The following STX11 variants were observed in gnomAD, a reference collection of about 807,000 sequenced individuals.
The protein encoded by STX11 is syntaxin-11.
A neutral mutation model predicts 19.9 loss-of-function variants in STX11; 21 were observed. That is an observed-to-expected ratio of 1.06 (90% CI 0.75 to 1.52). The LOEUF is 1.52. STX11 is among the 40% of genes most tolerant of loss of function. STX11 has a pLI of 0.00. For synonymous variants in STX11, 193 were observed against 174.4 expected, an observed-to-expected ratio of 1.11 and a Z score of -0.84; for missense variants, 438 against 405.9, an observed-to-expected ratio of 1.08 and a Z score of -0.68.
upstream of STX11, among the ~76,000 whole-genome samples, chr6:144,146,674 T>C (rs139038125): frequency 0.017 from 2,589 of 152,264 alleles, 38 homozygotes; most frequent in Middle Eastern, 0.027. The surrounding 1 kb of genome is among the most constrained non-coding windows in gnomAD (Gnocchi z 4.4). Flanking sequence ...ATCTCTGCCA[T>C]ACTTTCTGAA....
chr6:144,157,786 A>G (rs1743772410), intron 1 of STX11, among the ~76,000 whole-genome samples: 1 of 152,126 alleles, frequency 6.6e-6, no homozygotes, highest in African/African-American at 2.4e-5. Context: ...CAAAAGCATA[A>G]CACACACCAG....
In STX11 at chr6:144,153,155, A is replaced by G. The variant is rs77975829; in HGVS notation, c.-6+2452A>G. Among the ~76,000 whole-genome samples the G allele has an allele frequency of 0.042, 6,462 of 152,208 alleles. 441 individuals carry two copies. Among genetic ancestry groups the G allele is most frequent in the African/African-American group, 0.14 (5,970 of 41,490 alleles). On this transcript the variant is annotated intron_variant, in intron 1 of 1. Transcript: ENST00000367568. The surrounding 1 kb of genome is among the most constrained non-coding windows in gnomAD (Gnocchi z 5.0). ...TTTCCCCAGTTTGCTAAGATATCCA[A>G]CTGGTAAAGGCAACAATGCTAAATT...
the STX11 span, among the ~76,000 whole-genome samples, chr6:144,140,578 GT>G: frequency 5.7e-4 from 86 of 150,092 alleles, no homozygotes; most frequent in Non-Finnish European, 3.6e-4. Context: ...GAAACAACTT[GT>G]TTTTTTTTGG....
rs910036093 is a variant in STX11, at chr6:144,159,859, A to G, written c.-6+9156A>G. Among the ~76,000 whole-genome samples, 1 of 152,036 alleles carries G rather than the reference A, an allele frequency of 6.6e-6. No homozygotes were observed. The highest frequency in any genetic ancestry group is 1.5e-5 in the Non-Finnish European group (1 of 67,992). ...GTGAAGTGCATTGCCCCAGAAGTCC[A>G]TGCCCACTGAGGTTTCTCATCTTTC... is the stretch of plus-strand genomic sequence containing the variant. On this transcript the variant is annotated intron_variant, in intron 1 of 1. Transcript: ENST00000367568. The surrounding 1 kb of genome is among the most constrained non-coding windows in gnomAD (Gnocchi z 4.3).
At chr6:144,141,639 T>C in the STX11 span, among the ~76,000 whole-genome samples, 376 of 149,924 alleles carry the variant, frequency 2.5e-3, 3 homozygotes, top group African/African-American at 9.0e-3. Context: ...CTTTGGAAAG[T>C]CATTATTTTC....
rs1801033718 is a variant in STX11, at chr6:144,152,622, A to G, written c.-6+1919A>G. Among the ~76,000 whole-genome samples the G allele has an allele frequency of 6.6e-6, 1 of 152,160 alleles. No homozygotes were observed. The highest frequency in any genetic ancestry group is 2.4e-5 in the African/African-American group (1 of 41,428). Reference sequence around the variant, plus strand: ...TTTTAGGAAATGGTGTGACTAATTAATAGGTTGTTTTGTTTTGTTTTGTTT... The same window carrying G: ...TTTTAGGAAATGGTGTGACTAATTAGTAGGTTGTTTTGTTTTGTTTTGTTT... On this transcript the variant is annotated intron_variant, in intron 1 of 1. Coordinates refer to ENST00000367568, the MANE Select transcript of STX11 (RefSeq NM_003764.4). The surrounding 1 kb of genome is among the most constrained non-coding windows in gnomAD (Gnocchi z 4.9).
At position 144,169,056 on chromosome 6, in the gene STX11, G is replaced by C. The variant is rs1801558775; in HGVS notation, c.-5-17567G>C. On this transcript the variant is annotated intron_variant, in intron 1 of 1. Coordinates refer to ENST00000367568, the MANE Select transcript of STX11 (RefSeq NM_003764.4). The surrounding 1 kb of genome is among the most constrained non-coding windows in gnomAD (Gnocchi z 5.2). ...GAAACTAATCAGAAAAGACACCCCT[G>C]GTGATCTAAGCCTTTTTATTAGCAT... 6.6e-6 allele frequency among the ~76,000 whole-genome samples: 1 copy of C among 152,110 alleles called. No individual in the cohort carries two copies. Among genetic ancestry groups the C allele is most frequent in the Admixed American group, 6.5e-5 (1 of 15,268 alleles).
In STX11 at chr6:144,174,158, A is replaced by C. The variant is rs1801715748; in HGVS notation, c.-5-12465A>C. ...GCATCATCTTCCTGCAGGCTAGCCC[A>C]GGCTTCGTCATATAGTGGAATTAAG... is the stretch of plus-strand genomic sequence containing the variant. On this transcript the variant is annotated intron_variant, in intron 1 of 1. Coordinates refer to ENST00000367568, the MANE Select transcript of STX11 (RefSeq NM_003764.4). The surrounding 1 kb of genome is among the most constrained non-coding windows in gnomAD (Gnocchi z 5.3). 6.6e-6 allele frequency among the ~76,000 whole-genome samples: 1 copy of C among 152,192 alleles called. No homozygotes were observed. The highest frequency in any genetic ancestry group is 1.5e-5 in the Non-Finnish European group (1 of 68,052).
rs1801779888 is a variant in STX11, at chr6:144,176,447, A to G, written c.-5-10176A>G. Reference sequence around the variant, plus strand: ...GATTTTATATCAGTTCTCAAGCACAATGACTGGTTTGGGGTGCACACAGTC... The same window carrying G: ...GATTTTATATCAGTTCTCAAGCACAGTGACTGGTTTGGGGTGCACACAGTC... On this transcript the variant is annotated intron_variant, in intron 1 of 1. Transcript: ENST00000367568. This position sits in a 1 kb window ranked among gnomAD's most constrained non-coding sequence, Gnocchi z 4.1. 6.6e-6 allele frequency among the ~76,000 whole-genome samples: 1 copy of G among 152,186 alleles called. No individual in the cohort carries two copies. Among genetic ancestry groups the G allele is most frequent in the South Asian group, 2.1e-4 (1 of 4,834 alleles).
In STX11 at chr6:144,176,952, G is replaced by A. The variant is rs962360472; in HGVS notation, c.-5-9671G>A. ...TAACTCAGATATTTCCGTACCTTGTGTAAAAGATATCAGCCATATATAAGA... is the reference window on the plus strand; with the variant it reads ...TAACTCAGATATTTCCGTACCTTGTATAAAAGATATCAGCCATATATAAGA... On this transcript the variant is annotated intron_variant, in intron 1 of 1. Coordinates refer to ENST00000367568, the MANE Select transcript of STX11 (RefSeq NM_003764.4). The surrounding 1 kb of genome is among the most constrained non-coding windows in gnomAD (Gnocchi z 4.1). Among the ~76,000 whole-genome samples the A allele has an allele frequency of 6.6e-6, 1 of 152,142 alleles. No individual in the cohort carries two copies. The highest frequency in any genetic ancestry group is 1.5e-5 in the Non-Finnish European group (1 of 68,022).
At position 144,162,461 on chromosome 6, in the gene STX11, G is replaced by A; in HGVS notation, c.-6+11758G>A. On this transcript the variant is annotated intron_variant, in intron 1 of 1. Coordinates refer to ENST00000367568, the MANE Select transcript of STX11 (RefSeq NM_003764.4). This position sits in a 1 kb window ranked among gnomAD's most constrained non-coding sequence, Gnocchi z 4.6. ...TAGAAAGTTCCTTTAGTGGAGTTTT[G>A]GAAGGGAGCAAAAGTAATGTTCAAT... 6.6e-6 allele frequency among the ~76,000 whole-genome samples: 1 copy of A among 152,114 alleles called. No homozygotes were observed. The highest frequency in any genetic ancestry group is 2.4e-5 in the African/African-American group (1 of 41,404).
At chr6:144,143,417 G>A in the STX11 span, among the ~76,000 whole-genome samples, 1 of 151,998 alleles carries the variant, frequency 6.6e-6, no homozygotes, top group Non-Finnish European at 1.5e-5. Context: ...TTAAATAAGG[G>A]GTCTATTATA....
chr6:144,140,231 TATATATATATATATATATATATA>T, the STX11 span, among the ~76,000 whole-genome samples: 2 of 45,806 alleles, frequency 4.4e-5, no homozygotes, highest in African/African-American at 2.7e-4. Flanking sequence ...TATATATATA[TATATATATATATATATATATATA>T]TTTATTTATT....
rs1240238433 is a variant in STX11 at position 144,156,024 on chromosome 6, C to CTCCTTCCTTCCTTCCTTCCTTCCT, written c.-6+5325_-6+5348dup. 1.8e-4 allele frequency among the ~76,000 whole-genome samples: 18 copies of CTCCTTCCTTCCTTCCTTCCTTCCT among 102,848 alleles called. 1 individual carries two copies. Among genetic ancestry groups the CTCCTTCCTTCCTTCCTTCCTTCCT allele is most frequent in the African/African-American group, 1.0e-3 (17 of 16,988 alleles). The allele number at this position is 102,848 out of a possible 152,430, so 67.5% of individuals were successfully genotyped here. A position where few individuals can be genotyped will look rare whatever the true frequency, so the allele number is the denominator to read the frequency against. ...TTTCTTTCTTTCTTTCTCTCTTTCTCTCCTTCCTTCCTTCCTTCCTTCCTT... is the reference window on the plus strand; with the variant it reads ...TTTCTTTCTTTCTTTCTCTCTTTCTCTCCTTCCTTCCTTCCTTCCTTCCTTCCTTCCTTCCTTCCTTCCTTCCTT... On this transcript the variant is annotated intron_variant, in intron 1 of 1. Coordinates refer to ENST00000367568, the MANE Select transcript of STX11 (RefSeq NM_003764.4).
At chr6:144,140,209 C>CACAT in the STX11 span, among the ~76,000 whole-genome samples, 2 of 44,466 alleles carry the variant, frequency 4.5e-5, no homozygotes, top group African/African-American at 9.1e-5. Flanking sequence ...GGTCAATTCA[C>CACAT]ATATATATAT....
chr6:144,150,743 A>C (rs1420009865), intron 1 of STX11, 40 bp downstream of exon 1: 2 of 894,226 alleles, frequency 2.2e-6, no homozygotes, highest in Non-Finnish European at 2.6e-6. Context: ...TCTCTTCCTG[A>C]CTATTTTCCC....
At position 144,191,098 on chromosome 6, in the gene STX11, A is replaced by G. The variant is rs1415027280; in HGVS notation, c.*3607A>G. ...ATGAAAGAACAAATCACAAAGAACA[A>G]TAGATCCTTCAGGAGCTGAAGGTAA... On this transcript the variant is annotated 3_prime_UTR_variant, in exon 2 of 2. Coordinates refer to ENST00000367568, the MANE Select transcript of STX11 (RefSeq NM_003764.4). Among the ~76,000 whole-genome samples the G allele has an allele frequency of 2.0e-5, 3 of 151,836 alleles. No individual in the cohort carries two copies. Among genetic ancestry groups the G allele is most frequent in the Admixed American group, 2.0e-4 (3 of 15,214 alleles).
upstream of STX11, among the ~76,000 whole-genome samples, chr6:144,149,322 T>C (rs1172951906): frequency 6.6e-6 from 1 of 152,150 alleles, no homozygotes; most frequent in Non-Finnish European, 1.5e-5. This position sits in a 1 kb window ranked among gnomAD's most constrained non-coding sequence, Gnocchi z 5.1. Context: ...TGTAGACTCA[T>C]GGATTTTTTT....
rs1428191635 is a variant in STX11 at position 144,162,564 on chromosome 6, A to G, written c.-6+11861A>G. 6.6e-6 allele frequency among the ~76,000 whole-genome samples: 1 copy of G among 152,218 alleles called. No individual in the cohort carries two copies. The highest frequency in any genetic ancestry group is 2.4e-5 in the African/African-American group (1 of 41,458). ...TCTTGATGGAGCAGTATATTAAGCT[A>G]TTAGCACTTACAAGCAGATACATTC... On this transcript the variant is annotated intron_variant, in intron 1 of 1. Transcript: ENST00000367568. This position sits in a 1 kb window ranked among gnomAD's most constrained non-coding sequence, Gnocchi z 4.6.
Sources: allele counts gnomAD v4.1 joint callset (sites outside exome capture counted in the v4.1 genomes callset), GRCh38; gene constraint gnomAD v4.1.1; non-coding constraint Gnocchi (gnomAD v3.1); transcripts MANE v1.5; gene names NCBI Gene and HGNC (gene_info 2026-07-23, HGNC 2026-07-21).